The following PXDNL variants were observed in gnomAD, a reference collection of about 807,000 sequenced individuals.
PXDNL encodes the protein peroxidasin like, also known as probable oxidoreductase PXDNL.
A neutral mutation model predicts 150.8 loss-of-function variants in PXDNL; 145 were observed. That is an observed-to-expected ratio of 0.96 (90% confidence interval 0.84 to 1.10). The LOEUF is 1.10. Ranked by LOEUF, PXDNL falls within the 50% of genes least tolerant of loss-of-function variation. PXDNL has a pLI of 0.00. For synonymous variants in PXDNL, 757 were observed against 725.7 expected, an observed-to-expected ratio of 1.04 and a Z score of -0.69; for missense variants, 2,087 against 1,873.9, an observed-to-expected ratio of 1.11 and a Z score of -2.10.
intron 3 of PXDNL, among the ~76,000 whole-genome samples, chr8:51,588,845 A>G (rs1299308056): frequency 6.6e-6 from 1 of 152,124 alleles, no homozygotes; most frequent in Non-Finnish European, 1.5e-5. Flanking sequence ...CACACCCCCA[A>G]AGTTTGAAGG....
At chr8:51,410,468 A>G (rs2130894624) in intron 16 of PXDNL, among the ~76,000 whole-genome samples, 1 of 152,278 alleles carries the variant, frequency 6.6e-6, no homozygotes, top group African/African-American at 2.4e-5. Flanking sequence ...AACCCATCAT[A>G]CTGGGTGACC....
intron 17 of PXDNL, among the ~76,000 whole-genome samples, chr8:51,381,786 G>A (rs1489161174): frequency 6.6e-6 from 1 of 151,394 alleles, no homozygotes; most frequent in Admixed American, 6.6e-5. Context: ...CCGAGTAGCT[G>A]GGACTATAGG....
chr8:51,786,363 C>T lies in PXDNL; in HGVS notation c.164+22818G>A, dbSNP rs111495767. On this transcript the variant is annotated intron_variant, in intron 1 of 22. Transcript: ENST00000356297. ...AGCTGGGACTACAGGCGCCCGCCAC[C>T]ACCCCCAGGTAATTTTTGCATTTTT... is the stretch of plus-strand genomic sequence containing the variant. Among the ~76,000 whole-genome samples the T allele has an allele frequency of 8.7e-3, 1,330 of 152,262 alleles. 13 individuals are homozygous for T. Among genetic ancestry groups the T allele is most frequent in the Admixed American group, 0.016 (240 of 15,296 alleles).
chr8:51,549,994 G>C (rs1278601604), intron 4 of PXDNL, among the ~76,000 whole-genome samples: 1 of 152,008 alleles, frequency 6.6e-6, no homozygotes, highest in Non-Finnish European at 1.5e-5. Context: ...AAATGAAATG[G>C]GTGATATTAA....
intron 3 of PXDNL, among the ~76,000 whole-genome samples, chr8:51,567,567 T>C (rs57257431): frequency 0.071 from 10,763 of 151,906 alleles, 977 homozygotes; most frequent in African/African-American, 0.22. Context: ...CTGCTTTATC[T>C]GAAATTAATA....
intron 4 of PXDNL, among the ~76,000 whole-genome samples, chr8:51,548,895 C>A (rs1812420468): frequency 6.6e-6 from 1 of 151,994 alleles, no homozygotes; most frequent in Non-Finnish European, 1.5e-5. Context: ...GCAGAATGCA[C>A]AAAAATCCAA....
chr8:51,620,225 C>T (rs991261981), intron 2 of PXDNL, among the ~76,000 whole-genome samples: 2 of 152,050 alleles, frequency 1.3e-5, no homozygotes, highest in African/African-American at 4.8e-5. Flanking sequence ...TAGCCAAAGA[C>T]CAGATAAAAT....
chr8:51,476,660 G>A (rs942845630), intron 6 of PXDNL, among the ~76,000 whole-genome samples: 1 of 152,178 alleles, frequency 6.6e-6, no homozygotes, highest in Admixed American at 6.5e-5. Context: ...GCGCAGAAAT[G>A]ATTAATACTT....
chr8:51,796,358 A>AAC (rs2037560435), intron 1 of PXDNL, among the ~76,000 whole-genome samples: 3 of 148,214 alleles, frequency 2.0e-5, no homozygotes, highest in Non-Finnish European at 4.5e-5. Context: ...AAAAAAAAAA[A>AAC]CCTTCAAAAA....
intron 2 of PXDNL, among the ~76,000 whole-genome samples, chr8:51,600,177 ACC>A (rs1813667616): frequency 6.9e-6 from 1 of 144,686 alleles, no homozygotes; most frequent in African/African-American, 2.5e-5. Context: ...AATAAATTAT[ACC>A]TTATATAAAT....
intron 20 of PXDNL, among the ~76,000 whole-genome samples, chr8:51,341,313 T>C (rs1373081338): frequency 2.6e-5 from 4 of 152,234 alleles, no homozygotes; most frequent in East Asian, 1.9e-4. Context: ...ACATATTTAA[T>C]GTATACATTT....
At chr8:51,616,638 A>T (rs749863148) in intron 2 of PXDNL, among the ~76,000 whole-genome samples, 3 of 152,190 alleles carry the variant, frequency 2.0e-5, no homozygotes, top group Non-Finnish European at 4.4e-5. Flanking sequence ...ACATGTGTAT[A>T]CTTTCAGTAC....
chr8:51,778,732 T>C (rs2037381836), intron 1 of PXDNL, among the ~76,000 whole-genome samples: 2 of 152,316 alleles, frequency 1.3e-5, no homozygotes, highest in South Asian at 4.1e-4. Context: ...CTTTGGAGCC[T>C]CCCACGCTTT....
intron 1 of PXDNL, among the ~76,000 whole-genome samples, chr8:51,742,061 C>G (rs1029119058): frequency 6.6e-6 from 1 of 152,182 alleles, no homozygotes; most frequent in Non-Finnish European, 1.5e-5. Context: ...TACTCAGCAA[C>G]AGCGAAAGAA....
intron 1 of PXDNL, among the ~76,000 whole-genome samples, chr8:51,774,719 G>A (rs71513551): frequency 0.061 from 9,230 of 152,232 alleles, 375 homozygotes; most frequent in Non-Finnish European, 0.087. Context: ...TTGGGAGGCT[G>A]AGGCAGGAGA....
Position 51,413,196 on chromosome 8 carries a change from T to G in PXDNL, c.1858A>C (p.Arg620=), listed in dbSNP as rs1808702209. Residue 620 remains arginine, a synonymous_variant, in exon 15 of 23, where the codon AGA becomes CGA. Coordinates refer to ENST00000356297, the MANE Select transcript of PXDNL (RefSeq NM_144651.5). ...GTGGAGTTAATTGCACTGTCAACTC[T>G]CTGTACAGCATCAAGAATGGAAGAT... ...VESSILDAVQ[R]VDSAINSTRR... is the part of the protein sequence containing the mutation. 2 of 1,612,686 alleles carry G rather than the reference T, an allele frequency of 1.2e-6. No individual in the cohort carries two copies. Among genetic ancestry groups the G allele is most frequent in the African/African-American group, 2.7e-5 (2 of 74,914 alleles).
At chr8:51,685,956 T>G (rs912237593) in intron 1 of PXDNL, among the ~76,000 whole-genome samples, 1 of 152,236 alleles carries the variant, frequency 6.6e-6, no homozygotes, top group Non-Finnish European at 1.5e-5. Flanking sequence ...ATAAGTAACA[T>G]GATATATTTT....
In PXDNL at chr8:51,654,558, A is replaced by T. The variant is rs1815112592; in HGVS notation, c.236+131T>A. On this transcript the variant is annotated intron_variant, in intron 2 of 22. Transcript: ENST00000356297. ...TGTAAAGAAGCAGCAGAATTTTCCC[A>T]GTTATAAGACATCTACAAGGTGTCA... 4 of 669,346 alleles carry T rather than the reference A, an allele frequency of 6.0e-6. No homozygotes were observed. In the Admixed American group the frequency reaches 1.0e-4, roughly 17 times the overall value. 41.5% of individuals were successfully genotyped at this position (669,346 alleles called of 1,614,324 possible).
rs1370332579 is a variant in PXDNL, at chr8:51,449,945, A to C, written c.1250-827T>G. 2.6e-5 allele frequency among the ~76,000 whole-genome samples: 4 copies of C among 152,364 alleles called. No homozygotes were observed. In the East Asian group the frequency reaches 7.7e-4, roughly 29 times the overall value. ...GTTTATTAGGAAAGTAAAGGAATCA[A>C]GAATGGCTACTCCACAGGCAGAGAA... On this transcript the variant is annotated intron_variant, in intron 10 of 22. Transcript: ENST00000356297.
Sources: allele counts gnomAD v4.1 joint callset (sites outside exome capture counted in the v4.1 genomes callset), GRCh38; gene constraint gnomAD v4.1.1; transcripts MANE v1.5; gene names NCBI Gene and HGNC (gene_info 2026-07-23, HGNC 2026-07-21).